Variants in MGAT1 observed in about 807,000 individuals in gnomAD.
MGAT1 encodes alpha-1,3-mannosyl-glycoprotein 2-beta-N-acetylglucosaminyltransferase.
MGAT1 carries 14 observed loss-of-function variants against 31.7 expected under a neutral mutation model. The ratio of observed to expected loss-of-function variants is 0.44; its 90% CI spans 0.29 to 0.69. The LOEUF (loss-of-function observed/expected upper bound fraction) is 0.69, where lower values mean the gene tolerates loss of function less well. MGAT1 is among the 30% of genes least tolerant of loss of function. MGAT1 has a pLI of 0.12. For missense variants in MGAT1, 557 were observed against 626.0 expected, an observed-to-expected ratio of 0.89 and a Z score of 1.18; for synonymous variants, 338 against 276.0, an observed-to-expected ratio of 1.22 and a Z score of -2.23.
At chr5:180,802,580 G>T (rs1294153060) in intron 1 of MGAT1, 100 bp downstream of exon 1, 1 of 152,322 alleles carries the variant, frequency 6.6e-6, no homozygotes, top group African/African-American at 2.4e-5. Context: ...TAGCACTCAT[G>T]GGCACCGGGG....
Position 180,792,311 on chromosome 5 carries a change from A to G in MGAT1, c.661T>C (p.Tyr221His). 1 of 1,610,250 alleles carries G rather than the reference A, an allele frequency of 6.2e-7. No individual in the cohort carries two copies. Among genetic ancestry groups the G allele is most frequent in the Non-Finnish European group, 8.5e-7 (1 of 1,177,710 alleles). The change falls in exon 2 of 2, where the codon TAC becomes CAC. Residue 221 changes from tyrosine (Y) to histidine (H), a missense_variant. Tyr to His is a moderately conservative substitution (Grantham distance 83). This residue lies in a region of MGAT1 where 245 missense variants were observed against 332.9 expected (regional missense o/e 0.74). Coordinates refer to ENST00000307826, the MANE Select transcript of MGAT1 (RefSeq NM_002406.4). ...DLEVAPDFFEYFRATYPLLKA... is the reference protein window; with the variant it reads ...DLEVAPDFFEHFRATYPLLKA... ...AGCAGCGGATAGGTGGCCCGAAAGTACTCGAAGAAGTCCGGGGCCACCTCC... is the reference window on the plus strand; with the variant it reads ...AGCAGCGGATAGGTGGCCCGAAAGTGCTCGAAGAAGTCCGGGGCCACCTCC...
chr5:180,797,442 C>G (rs1050797139), intron 1 of MGAT1, among the ~76,000 whole-genome samples: 1,834 of 119,268 alleles, frequency 0.015, 28 homozygotes, highest in East Asian at 0.034. Context: ...GGGGGGGGGC[C>G]CAGAGGGATA....
chr5:180,800,609 G>A lies in MGAT1; in HGVS notation c.-127+2071C>T, dbSNP rs553363119. Among the ~76,000 whole-genome samples the A allele has an allele frequency of 2.4e-4, 37 of 152,316 alleles. No individual in the cohort carries two copies. In the South Asian group the frequency reaches 4.1e-3, roughly 17 times the overall value. ...CCAAAGGTGAGTGTTCCAAGAAAGC[G>A]GGCAAGCCAGGTGAAAGTGTATCCT... On this transcript the variant is annotated intron_variant, in intron 1 of 1. Transcript: ENST00000307826.
intron 1 of MGAT1, among the ~76,000 whole-genome samples, chr5:180,812,690 T>C (rs1272971055): frequency 6.6e-6 from 1 of 152,200 alleles, no homozygotes; most frequent in Non-Finnish European, 1.5e-5. Flanking sequence ...TTTCCTCCCA[T>C]AGTAGAAAAA....
At chr5:180,812,150 T>A (rs1242651304) in intron 1 of MGAT1, among the ~76,000 whole-genome samples, 2 of 152,234 alleles carry the variant, frequency 1.3e-5, no homozygotes. Context: ...GATTTTTGAT[T>A]GCTATATCCC....
chr5:180,813,708 G>GT (rs1402487382), intron 1 of MGAT1, among the ~76,000 whole-genome samples: 1 of 152,168 alleles, frequency 6.6e-6, no homozygotes, highest in Non-Finnish European at 1.5e-5. Context: ...GGAGAACATG[G>GT]TTGTCGGGCT....
rs964233284 is a variant in MGAT1, at chr5:180,787,739, G to A, written c.*3895C>T. On this transcript the variant is annotated 3_prime_UTR_variant, in exon 2 of 2. Coordinates refer to ENST00000307826, the MANE Select transcript of MGAT1 (RefSeq NM_002406.4). ...CCTCTTGGCCTGCTCTGAGGGCTTCGTCTCCGTTTCCCTGGCCCCTCAGCC... is the reference window on the plus strand; with the variant it reads ...CCTCTTGGCCTGCTCTGAGGGCTTCATCTCCGTTTCCCTGGCCCCTCAGCC... The A allele has an allele frequency of 2.6e-5, 4 of 152,244 alleles. No individual in the cohort carries two copies. Among genetic ancestry groups the A allele is most frequent in the South Asian group, 2.1e-4 (1 of 4,826 alleles). 9.4% of individuals were successfully genotyped at this position (152,244 alleles called of 1,614,324 possible).
chr5:180,801,981 C>T (rs1207818655), intron 1 of MGAT1, among the ~76,000 whole-genome samples: 1 of 152,166 alleles, frequency 6.6e-6, no homozygotes, highest in South Asian at 2.1e-4. Context: ...CACGTAAGAG[C>T]AAAGGCTACA....
rs189706883 is a variant in MGAT1 at position 180,791,397 on chromosome 5, T to A, written c.*237A>T. On this transcript the variant is annotated 3_prime_UTR_variant, in exon 2 of 2. Transcript: ENST00000307826. ...AAGCCCAGTGCCCCCCACCACACAG[T>A]GGTTTCCTGCTTAATACCCCGCAAC... The A allele has an allele frequency of 2.8e-4, 168 of 590,944 alleles. 1 individual carries two copies. The East Asian group carries it at 4.8e-3, about 17-fold the overall frequency. 36.6% of individuals were successfully genotyped at this position (590,944 alleles called of 1,614,324 possible). A position where few individuals can be genotyped will look rare whatever the true frequency, so the allele number is the denominator to read the frequency against.
At chr5:180,802,316 G>A (rs1770961202) in intron 1 of MGAT1, among the ~76,000 whole-genome samples, 1 of 152,208 alleles carries the variant, frequency 6.6e-6, no homozygotes, top group East Asian at 1.9e-4. Flanking sequence ...CTTGGGGAAA[G>A]GATGCTGGAG....
rs1219777089 is a variant in MGAT1 at position 180,791,418 on chromosome 5, G to A, written c.*216C>T. 2.2e-5 allele frequency: 14 copies of A among 646,946 alleles called. No homozygotes were observed. Among genetic ancestry groups the A allele is most frequent in the South Asian group, 1.0e-4 (5 of 47,698 alleles). 40.1% of individuals were successfully genotyped at this position (646,946 alleles called of 1,614,324 possible). A position where few individuals can be genotyped will look rare whatever the true frequency, so the allele number is the denominator to read the frequency against. On this transcript the variant is annotated 3_prime_UTR_variant, in exon 2 of 2. Coordinates refer to ENST00000307826, the MANE Select transcript of MGAT1 (RefSeq NM_002406.4). ...ACAGTGGTTTCCTGCTTAATACCCC[G>A]CAACATACCCTAGAATAGTTCCCCT...
chr5:180,792,135 C>T lies in MGAT1; in HGVS notation c.837G>A (p.Leu279=). The change falls in exon 2 of 2, where the codon CTG becomes CTA. Residue 279 remains leucine, a synonymous_variant. Coordinates refer to ENST00000307826, the MANE Select transcript of MGAT1 (RefSeq NM_002406.4). ...AGAAGGCCTTTGGCCACTTGGGCTC[C>T]AGCTCAGCCCAGAGCTCGGCCAACA... ...WLLLAELWAE[L]EPKWPKAFWD... The T allele has an allele frequency of 6.2e-7, 1 of 1,613,136 alleles. No homozygotes were observed. The highest frequency in any genetic ancestry group is 1.3e-5 in the African/African-American group (1 of 75,056).
At chr5:180,793,974 A>T (rs552673438) in intron 1 of MGAT1, among the ~76,000 whole-genome samples, 1 of 152,322 alleles carries the variant, frequency 6.6e-6, no homozygotes, top group East Asian at 1.9e-4. Context: ...AAATCCCAAT[A>T]AAAATACCTT....
At position 180,785,799 on chromosome 5, in the gene MGAT1, AT is replaced by A. The variant is rs1335991119; in HGVS notation, c.*5834del. ...AAACTCTGAAAAGTAATCAAACAGT[AT>A]TTCCAAAGGAGGCTTTTGGCAGGCT... On this transcript the variant is annotated 3_prime_UTR_variant, in exon 2 of 2. Transcript: ENST00000307826. The A allele has an allele frequency of 1.3e-5, 2 of 152,320 alleles. No individual in the cohort carries two copies. The highest frequency in any genetic ancestry group is 2.9e-5 in the Non-Finnish European group (2 of 68,084). The allele number at this position is 152,320 out of a possible 1,614,324, so 9.4% of individuals were successfully genotyped here.
chr5:180,793,687 C>G (rs1236312812), intron 1 of MGAT1, among the ~76,000 whole-genome samples: 4 of 152,024 alleles, frequency 2.6e-5, no homozygotes, highest in East Asian at 3.9e-4. Context: ...GCCTGGAAAA[C>G]TCAAAAAGAA....
chr5:180,791,501 A>G lies in MGAT1; in HGVS notation c.*133T>C. 1 of 1,113,846 alleles carries G rather than the reference A, an allele frequency of 9.0e-7. No homozygotes were observed. Among genetic ancestry groups the G allele is most frequent in the African/African-American group, 1.6e-5 (1 of 63,666 alleles). The allele number at this position is 1,113,846 out of a possible 1,614,324, so 69.0% of individuals were successfully genotyped here. ...CTCTTGTTATCATTTGTGCACTTAA[A>G]TGCCACTCGGAAAAATCAAAAAGAT... On this transcript the variant is annotated 3_prime_UTR_variant, in exon 2 of 2. Transcript: ENST00000307826.
chr5:180,787,428 A>G lies in MGAT1; in HGVS notation c.*4206T>C, dbSNP rs1391074699. ...ATCCCACGTTAGATATTTCAGAAAG[A>G]GGGCAAGCTTCTGTTCTATACATTT... On this transcript the variant is annotated 3_prime_UTR_variant, in exon 2 of 2. Transcript: ENST00000307826. 6.6e-6 allele frequency: 1 copy of G among 152,262 alleles called. No individual in the cohort carries two copies. Among genetic ancestry groups the G allele is most frequent in the East Asian group, 1.9e-4 (1 of 5,204 alleles). The allele number at this position is 152,262 out of a possible 1,614,324, so 9.4% of individuals were successfully genotyped here. A position where few individuals can be genotyped will look rare whatever the true frequency, so the allele number is the denominator to read the frequency against.
intron 1 of MGAT1, among the ~76,000 whole-genome samples, chr5:180,799,387 G>A (rs1185374759): frequency 6.6e-6 from 1 of 152,102 alleles, no homozygotes; most frequent in Non-Finnish European, 1.5e-5. Context: ...CCACCTGCCA[G>A]CCACCCACAC....
rs374873453 is a variant in MGAT1, at chr5:180,792,459, C to G, written c.513G>C (p.Ala171=). 2 of 1,612,634 alleles carry G rather than the reference C, an allele frequency of 1.2e-6. No homozygotes were observed. Among genetic ancestry groups the G allele is most frequent in the African/African-American group, 2.7e-5 (2 of 74,944 alleles). Residue 171 remains alanine (A), a synonymous_variant, in exon 2 of 2, where the codon GCG becomes GCC. Coordinates refer to ENST00000307826, the MANE Select transcript of MGAT1 (RefSeq NM_002406.4). ...HIRQPDLSSI[A]VPPDHRKFQG... ...GGAACTTGCGGTGGTCCGGCGGCAC[C>G]GCAATGCTGCTCAGGTCGGGCTGCC...
Sources: allele counts gnomAD v4.1 joint callset (sites outside exome capture counted in the v4.1 genomes callset), GRCh38; gene constraint gnomAD v4.1.1; regional missense constraint gnomAD v4.1.1; transcripts MANE v1.5; gene names NCBI Gene and HGNC (gene_info 2026-07-23, HGNC 2026-07-21).